The following GAB4 variants were observed in gnomAD, a reference collection of about 807,000 sequenced individuals.
The protein encoded by GAB4 is GRB2-associated-binding protein 4.
Under a neutral mutation model 51.3 loss-of-function variants are expected in GAB4, and 26 were observed. The observed-to-expected ratio is 0.51, with a 90% CI of 0.37 to 0.70. GAB4 has a LOEUF of 0.70. GAB4 is among the 30% of genes least tolerant of loss of function. GAB4 has a pLI of 0.00. For synonymous variants in GAB4, 329 were observed against 291.2 expected, an observed-to-expected ratio of 1.13 and a Z score of -1.32; for missense variants, 759 against 734.6, an observed-to-expected ratio of 1.03 and a Z score of -0.38.
chr22:16,978,109 A>G (rs1006375253), intron 3 of GAB4, among the ~76,000 whole-genome samples: 7 of 152,222 alleles, frequency 4.6e-5, no homozygotes, highest in African/African-American at 1.7e-4. Context: ...CCCTAATATC[A>G]CAATTAAAAG....
chr22:16,986,263 C>G lies in GAB4; in HGVS notation c.686+1697G>C, dbSNP rs1480915960. On this transcript the variant is annotated intron_variant, in intron 3 of 9. Coordinates refer to ENST00000400588, the MANE Select transcript of GAB4 (RefSeq NM_001037814.1). The stretch of plus-strand genomic sequence containing the variant: ...GACTGTAGGACCCACCCTAGGTTCG[C>G]TGATGAAAACAAGCATCTCAGCAAG... Among the ~76,000 whole-genome samples, 7 of 152,336 alleles carry G rather than the reference C, an allele frequency of 4.6e-5. No individual in the cohort carries two copies. In the East Asian group the frequency reaches 7.7e-4, roughly 17 times the overall value.
intron 3 of GAB4, among the ~76,000 whole-genome samples, chr22:16,981,562 C>A (rs916487759): frequency 6.6e-6 from 1 of 152,100 alleles, no homozygotes; most frequent in Non-Finnish European, 1.5e-5. Flanking sequence ...TACAACCTAG[C>A]AAGGTTGAAT....
chr22:16,975,036 G>A (rs2060765554), intron 3 of GAB4, among the ~76,000 whole-genome samples: 1 of 152,216 alleles, frequency 6.6e-6, no homozygotes, highest in Non-Finnish European at 1.5e-5. Context: ...TCCCTCGGGT[G>A]CCTACACCAC....
At chr22:17,004,099 T>C (rs1383263057) in intron 1 of GAB4, among the ~76,000 whole-genome samples, 2 of 152,256 alleles carry the variant, frequency 1.3e-5, no homozygotes, top group South Asian at 4.1e-4. Flanking sequence ...CCTGGACACA[T>C]ACACCCTCCC....
chr22:16,987,961 T>G lies in GAB4; in HGVS notation c.685A>C (p.Arg229=), dbSNP rs770727743. 7 of 1,595,930 alleles carry G rather than the reference T, an allele frequency of 4.4e-6. No individual in the cohort carries two copies. The African/African-American group carries it at 5.3e-5, about 12-fold the overall frequency. The change falls in exon 3 of 10, where the codon AGG becomes CGG. Residue 229 remains arginine, a splice_region_variant and synonymous_variant. Coordinates refer to ENST00000400588, the MANE Select transcript of GAB4 (RefSeq NM_001037814.1). The part of the protein sequence containing the change: ...QHASQRAEHA[R]SASFSQGSEA... ...CCACTGGCCATAGTAGCCCCCTACC[T>G]TGCATGTTCTGCTCTCTGGCTGGCG...
chr22:16,979,095 G>T (rs2060805493), intron 3 of GAB4, among the ~76,000 whole-genome samples: 1 of 152,138 alleles, frequency 6.6e-6, no homozygotes, highest in African/African-American at 2.4e-5. Context: ...GGCAAAAGCT[G>T]GAAGCATTCC....
intron 2 of GAB4, among the ~76,000 whole-genome samples, chr22:16,988,647 T>TG (rs1295306825): frequency 6.6e-6 from 1 of 152,176 alleles, no homozygotes; most frequent in African/African-American, 2.4e-5. Flanking sequence ...CCTGTGGTGT[T>TG]GGCAAGGAAG....
At chr22:16,976,211 A>G (rs1371735135) in intron 3 of GAB4, among the ~76,000 whole-genome samples, 1 of 152,202 alleles carries the variant, frequency 6.6e-6, no homozygotes, top group African/African-American at 2.4e-5. Context: ...CAGATGGGTA[A>G]TAACTCCTCT....
At chr22:16,985,858 C>T (rs2060862945) in intron 3 of GAB4, among the ~76,000 whole-genome samples, 1 of 152,236 alleles carries the variant, frequency 6.6e-6, no homozygotes, top group South Asian at 2.1e-4. Context: ...ATATGCCCTG[C>T]CTTGTGTCCT....
intron 5 of GAB4, among the ~76,000 whole-genome samples, chr22:16,967,979 C>T (rs2060694321): frequency 1.3e-5 from 2 of 152,140 alleles, no homozygotes; most frequent in African/African-American, 4.8e-5. Flanking sequence ...CAGGGAAGCA[C>T]TCCTGCTCCA....
chr22:16,973,153 A>C (rs2060746990), intron 3 of GAB4, among the ~76,000 whole-genome samples: 1 of 152,250 alleles, frequency 6.6e-6, no homozygotes, highest in Non-Finnish European at 1.5e-5. Context: ...AGCATAACCA[A>C]TCACCTGCAT....
intron 3 of GAB4, among the ~76,000 whole-genome samples, chr22:16,983,499 A>G (rs148812970): frequency 5.4e-4 from 82 of 152,336 alleles, no homozygotes; most frequent in African/African-American, 1.9e-3. Flanking sequence ...AGCCAAAGCA[A>G]CCCTGAGCAA....
chr22:16,984,862 T>C (rs2060854762), intron 3 of GAB4, among the ~76,000 whole-genome samples: 1 of 152,226 alleles, frequency 6.6e-6, no homozygotes, highest in African/African-American at 2.4e-5. Context: ...TTGGGCTCTT[T>C]CCTGGTTCCT....
chr22:16,981,707 A>G (rs1049988045), intron 3 of GAB4, among the ~76,000 whole-genome samples: 1 of 152,202 alleles, frequency 6.6e-6, no homozygotes, highest in Non-Finnish European at 1.5e-5. Flanking sequence ...ACTAACATCA[A>G]TTCTTCTCAA....
chr22:16,963,671 G>C, intron 9 of GAB4, 54 bp downstream of exon 9: 1 of 1,338,106 alleles, frequency 7.5e-7, no homozygotes, highest in South Asian at 1.2e-5. Flanking sequence ...TGGCCCCACA[G>C]TCTCTCCCCC....
intron 3 of GAB4, among the ~76,000 whole-genome samples, chr22:16,971,126 C>T (rs561402011): frequency 1.3e-5 from 2 of 152,172 alleles, no homozygotes; most frequent in African/African-American, 4.8e-5. Context: ...CCCAGGAGGC[C>T]GAGGCTGCAG....
intron 1 of GAB4, among the ~76,000 whole-genome samples, chr22:16,992,423 TG>T (rs2060921605): frequency 6.6e-6 from 1 of 152,134 alleles, no homozygotes; most frequent in South Asian, 2.1e-4. Context: ...AGCAGGAGGT[TG>T]GGTGAGGACA....
At chr22:16,967,949 CTACCCA>C (rs1224877993) in intron 5 of GAB4, among the ~76,000 whole-genome samples, 1 of 151,982 alleles carries the variant, frequency 6.6e-6, no homozygotes, top group Non-Finnish European at 1.5e-5. Context: ...TCCCCTCTGC[CTACCCA>C]TACCAAAGGC....
At chr22:16,991,844 C>T in intron 2 of GAB4, 29 bp downstream of exon 2, 1 of 1,572,794 alleles carries the variant, frequency 6.4e-7, no homozygotes. Flanking sequence ...TCAGCCCCTC[C>T]TGAGACAGGG....
Sources: gnomAD v4.1 joint callset for allele counts (sites outside exome capture counted in the v4.1 genomes callset) on GRCh38, gnomAD v4.1.1 for gene constraint, MANE v1.5 for transcripts, NCBI Gene and HGNC (gene_info 2026-07-23, HGNC 2026-07-21) for gene names.